The following EVA1A variants were observed in gnomAD, a reference collection of about 807,000 sequenced individuals.
The protein encoded by EVA1A is protein eva-1 homolog A.
A neutral mutation model predicts 9.8 loss-of-function variants in EVA1A; 7 were observed. That is an observed-to-expected ratio of 0.71 (90% CI 0.41 to 1.34). The LOEUF (loss-of-function observed/expected upper bound fraction) is 1.34, where lower values mean the gene tolerates loss of function less well. EVA1A is among the 40% of genes most tolerant of loss of function. The pLI is 0.01. For missense variants in EVA1A, 206 were observed against 205.9 expected, an observed-to-expected ratio of 1.00 and a Z score of 0.00; for synonymous variants, 90 against 85.6, an observed-to-expected ratio of 1.05 and a Z score of -0.28.
intron 1 of EVA1A, among the ~76,000 whole-genome samples, chr2:75,567,076 G>T (rs1050176919): frequency 6.6e-6 from 1 of 152,142 alleles, no homozygotes; most frequent in Admixed American, 6.5e-5. Context: ...AATGCTAATA[G>T]TTGTTCTTTA....
intron 3 of EVA1A, among the ~76,000 whole-genome samples, chr2:75,496,008 C>T (rs1391231611): frequency 6.6e-6 from 1 of 152,180 alleles, no homozygotes; most frequent in Non-Finnish European, 1.5e-5. Context: ...TATCCAGTTT[C>T]AAAGCCTATT....
At chr2:75,526,790 C>T (rs1675458117) in intron 1 of EVA1A, among the ~76,000 whole-genome samples, 1 of 152,182 alleles carries the variant, frequency 6.6e-6, no homozygotes, top group Non-Finnish European at 1.5e-5. Context: ...CAGTGCCTTA[C>T]AGAGGTTGAG....
At chr2:75,516,334 C>T (rs1675005419) in intron 3 of EVA1A, among the ~76,000 whole-genome samples, 1 of 152,216 alleles carries the variant, frequency 6.6e-6, no homozygotes, top group Admixed American at 6.5e-5. Context: ...AGTCTACACA[C>T]TGCATCCAAA....
intron 2 of EVA1A, among the ~76,000 whole-genome samples, chr2:75,519,697 C>T (rs548466317): frequency 1.3e-5 from 2 of 152,298 alleles, no homozygotes; most frequent in South Asian, 4.1e-4. Flanking sequence ...TGAGAGCCAT[C>T]AAACTGAGTT....
rs376445095 is a variant in EVA1A, at chr2:75,504,666, A to C, written c.86-11057T>G. Among the ~76,000 whole-genome samples the C allele has an allele frequency of 2.4e-4, 37 of 152,216 alleles. No individual in the cohort carries two copies. The East Asian group carries it at 6.4e-3, about 26-fold the overall frequency. On this transcript the variant is annotated intron_variant, in intron 3 of 3. Transcript: ENST00000393913. Reference sequence around the variant, plus strand: ...CATGTCCTTCGCAGGGACATAGATGAAGCTGGAAGCCATCATTCTCAGCAA... The same window carrying C: ...CATGTCCTTCGCAGGGACATAGATGCAGCTGGAAGCCATCATTCTCAGCAA...
intron 1 of EVA1A, among the ~76,000 whole-genome samples, chr2:75,568,989 T>TAACC (rs1333766817): frequency 1.3e-5 from 2 of 152,182 alleles, no homozygotes; most frequent in Non-Finnish European, 2.9e-5. Flanking sequence ...TTTGGGTAGA[T>TAACC]AACCAGTAGT....
chr2:75,504,848 C>T (rs538496201), intron 3 of EVA1A, among the ~76,000 whole-genome samples: 69 of 152,106 alleles, frequency 4.5e-4, no homozygotes, highest in Middle Eastern at 6.8e-3. Context: ...CTAATGCATG[C>T]GGGGCTTGAA....
chr2:75,540,892 C>T (rs961499457), intron 1 of EVA1A: 1 of 152,154 alleles, frequency 6.6e-6, no homozygotes, highest in Non-Finnish European at 1.5e-5. Flanking sequence ...TTCATGGTTC[C>T]CTACAACCAA....
intron 3 of EVA1A, among the ~76,000 whole-genome samples, chr2:75,507,418 G>T (rs1321750388): frequency 6.6e-6 from 1 of 152,178 alleles, no homozygotes; most frequent in Non-Finnish European, 1.5e-5. Flanking sequence ...CCAGGCAAGA[G>T]GTCTTCCCAG....
At chr2:75,520,318 T>G (rs1354485362) in intron 2 of EVA1A, among the ~76,000 whole-genome samples, 1 of 105,794 alleles carries the variant, frequency 9.5e-6, no homozygotes, top group East Asian at 2.3e-4. Context: ...ATCTCAATGA[T>G]GTTTTTGCAG....
Position 75,568,895 on chromosome 2 carries a change from A to G in EVA1A, c.-192+581T>C, listed in dbSNP as rs1677075578. ...CTTAAATATGCAAAGATATGGAACT[A>G]TGCTTTCACATCTTTGCAATTGCAA... On this transcript the variant is annotated intron_variant, in intron 1 of 3. Transcript: ENST00000233712. Among the ~76,000 whole-genome samples, 4 of 152,358 alleles carry G rather than the reference A, an allele frequency of 2.6e-5. No homozygotes were observed. In the South Asian group the frequency reaches 8.3e-4, roughly 32 times the overall value.
chr2:75,499,598 A>G (rs1262128884), intron 3 of EVA1A, among the ~76,000 whole-genome samples: 1 of 152,176 alleles, frequency 6.6e-6, no homozygotes, highest in Non-Finnish European at 1.5e-5. Context: ...GGACCTGTCT[A>G]CTTTGTCCAG....
At chr2:75,553,803 T>C (rs1676608808) in intron 1 of EVA1A, among the ~76,000 whole-genome samples, 1 of 152,210 alleles carries the variant, frequency 6.6e-6, no homozygotes, top group Non-Finnish European at 1.5e-5. Context: ...CCTGTGTGAC[T>C]GACCCACTAG....
At chr2:75,549,868 G>T (rs1676464748) in intron 1 of EVA1A, among the ~76,000 whole-genome samples, 1 of 152,156 alleles carries the variant, frequency 6.6e-6, no homozygotes, top group Admixed American at 6.5e-5. Flanking sequence ...GAAGAGCAAA[G>T]ATGCCATTTC....
chr2:75,525,893 A>C (rs1309732528), intron 1 of EVA1A, among the ~76,000 whole-genome samples: 1 of 152,256 alleles, frequency 6.6e-6, no homozygotes, highest in African/African-American at 2.4e-5. Flanking sequence ...CACTATGCAG[A>C]GGTCAGTACC....
At chr2:75,501,788 G>A (rs893459313) in intron 3 of EVA1A, among the ~76,000 whole-genome samples, 6 of 152,194 alleles carry the variant, frequency 3.9e-5, no homozygotes, top group African/African-American at 1.4e-4. Context: ...GGAATCAGCA[G>A]GCGAGCTCCC....
In EVA1A at chr2:75,555,156, A is replaced by G. The variant is rs570426056; in HGVS notation, c.-192+5524T>C. Among the ~76,000 whole-genome samples, 92 of 152,336 alleles carry G rather than the reference A, an allele frequency of 6.0e-4. 1 individual carries two copies. The South Asian group carries it at 0.017, about 28-fold the overall frequency. The stretch of plus-strand genomic sequence containing the variant: ...CATCCTCTGTGGGGAGCTCAGTGCA[A>G]TCAGCACATGCAAATGGCTTTGGGC... On this transcript the variant is annotated intron_variant, in intron 1 of 3. Transcript: ENST00000393913.
intron 1 of EVA1A, among the ~76,000 whole-genome samples, chr2:75,536,257 C>T (rs1558686092): frequency 6.6e-6 from 1 of 152,066 alleles, no homozygotes; most frequent in Non-Finnish European, 1.5e-5. Context: ...ATGGCTTGAG[C>T]CCAGGTGGCA....
At chr2:75,548,519 T>C (rs1159899218) in intron 1 of EVA1A, among the ~76,000 whole-genome samples, 1 of 152,188 alleles carries the variant, frequency 6.6e-6, no homozygotes, top group Non-Finnish European at 1.5e-5. Context: ...CCTCCACCTG[T>C]AACATCTCTA....
Sources: allele counts gnomAD v4.1 joint callset (sites outside exome capture counted in the v4.1 genomes callset), GRCh38; gene constraint gnomAD v4.1.1; transcripts MANE v1.5; gene names NCBI Gene and HGNC (gene_info 2026-07-23, HGNC 2026-07-21).